ADA: variants seen among roughly 807,000 people sequenced by gnomAD.
ADA encodes adenosine aminohydrolase.
A neutral mutation model predicts 49.0 loss-of-function variants in ADA; 45 were observed. The observed-to-expected ratio is 0.92, with a 90% CI of 0.72 to 1.18. The LOEUF is 1.18. Ranked by LOEUF, ADA falls within the 50% of genes most tolerant of loss-of-function variation. ADA has a pLI of 0.00. For synonymous variants in ADA, 173 were observed against 184.2 expected, an observed-to-expected ratio of 0.94 and a Z score of 0.49; for missense variants, 445 against 472.5, an observed-to-expected ratio of 0.94 and a Z score of 0.54.
At chr20:44,643,383 C>T (rs1472627614) in intron 1 of ADA, among the ~76,000 whole-genome samples, 1 of 152,218 alleles carries the variant, frequency 6.6e-6, no homozygotes, top group Non-Finnish European at 1.5e-5. Flanking sequence ...CTCTACTGTA[C>T]TGCCTCTGTG....
intron 2 of ADA, among the ~76,000 whole-genome samples, chr20:44,633,112 G>T (rs565266814): frequency 6.6e-5 from 10 of 152,230 alleles, no homozygotes; most frequent in Non-Finnish European, 1.5e-4. Context: ...CAGGAGCCCA[G>T]GGAGGGAGGG....
intron 4 of ADA, among the ~76,000 whole-genome samples, chr20:44,626,097 T>C (rs1233252310): frequency 6.6e-6 from 1 of 152,132 alleles, no homozygotes; most frequent in South Asian, 2.1e-4. Flanking sequence ...ACTTCAGTTA[T>C]GAAGTTAGAG....
At chr20:44,644,874 C>T (rs1227717497) in intron 1 of ADA, among the ~76,000 whole-genome samples, 1 of 152,214 alleles carries the variant, frequency 6.6e-6, no homozygotes, top group Admixed American at 6.5e-5. Flanking sequence ...ATGTGTCTTC[C>T]ACCTGGGGAA....
chr20:44,645,057 C>T (rs2065576538), intron 1 of ADA, among the ~76,000 whole-genome samples: 1 of 152,164 alleles, frequency 6.6e-6, no homozygotes, highest in Non-Finnish European at 1.5e-5. Context: ...CCCTGCATGC[C>T]ACATAGCAAG....
chr20:44,639,489 G>A (rs569878719), intron 1 of ADA, among the ~76,000 whole-genome samples: 37 of 152,008 alleles, frequency 2.4e-4, no homozygotes, highest in Non-Finnish European at 4.3e-4. Flanking sequence ...CTCAGCTCAC[G>A]GAAACCTCCA....
intron 1 of ADA, among the ~76,000 whole-genome samples, chr20:44,648,221 C>T (rs427224): frequency 1.3e-5 from 2 of 152,060 alleles, no homozygotes; most frequent in Non-Finnish European, 2.9e-5. Context: ...ACCCCCCTTT[C>T]CACTTCTTCC....
chr20:44,624,079 A>G lies in ADA; in HGVS notation c.606+123T>C, dbSNP rs2065359021. 7 of 1,408,298 alleles carry G rather than the reference A, an allele frequency of 5.0e-6. No homozygotes were observed. In the East Asian group the frequency reaches 1.0e-4, roughly 21 times the overall value. The allele number at this position is 1,408,298 out of a possible 1,614,324, so 87.2% of individuals were successfully genotyped here. A position where few individuals can be genotyped will look rare whatever the true frequency, so the allele number is the denominator to read the frequency against. On this transcript the variant is annotated intron_variant, in intron 6 of 11. Transcript: ENST00000372874. ...TTCCAGTTCCAAGCCTTAAGACCCA[A>G]CAAAGACACACTTCAGAACTCAGGA...
chr20:44,626,188 G>C (rs1600924457), intron 4 of ADA: 3 of 560,394 alleles, frequency 5.4e-6, no homozygotes, highest in Non-Finnish European at 9.6e-6. Context: ...GGCTAAGCAG[G>C]TTAACATTCC....
chr20:44,651,670 G>T lies in ADA; in HGVS notation c.-63C>A. The T allele has an allele frequency of 6.9e-7, 1 of 1,453,670 alleles. No individual in the cohort carries two copies. The highest frequency in any genetic ancestry group is 1.3e-5 in the South Asian group (1 of 75,742). 90.0% of individuals were successfully genotyped at this position (1,453,670 alleles called of 1,614,324 possible). On this transcript the variant is annotated 5_prime_UTR_variant, in exon 1 of 12. Coordinates refer to ENST00000372874, the MANE Select transcript of ADA (RefSeq NM_000022.4). ...CCGCTCGGTGGGTCTCTGCCGGCTC[G>T]GTGGCCGCTCGGCTTTCCCTGGGGC...
At chr20:44,629,306 G>GTGGGAGCAGCTGGA in intron 2 of ADA, 137 bp from the exon 3 acceptor site, 1 of 1,319,108 alleles carries the variant, frequency 7.6e-7, no homozygotes, top group Non-Finnish European at 1.0e-6. Context: ...TCTCAGTCCA[G>GTGGGAGCAGCTGGA]CTGCTCCCAC....
rs374029074 is a variant in ADA at position 44,629,154 on chromosome 20, G to A, written c.111C>T (p.Ala37=). 3.7e-6 allele frequency: 6 copies of A among 1,614,078 alleles called. No individual in the cohort carries two copies. In the African/African-American group the frequency reaches 5.3e-5, roughly 14 times the overall value. ...ILYYGRRRGI[A]LPANTAEGLL... ...GCCCCTCTGCTGTGTTAGCTGGGAGGGCGATCCCTCTCCTCCTGGAAACAA... is the reference window on the plus strand; with the variant it reads ...GCCCCTCTGCTGTGTTAGCTGGGAGAGCGATCCCTCTCCTCCTGGAAACAA... The change falls in exon 3 of 12, where the codon GCC becomes GCT. Residue 37 remains alanine (A), a synonymous_variant. Transcript: ENST00000372874.
intron 1 of ADA, 64 bp from the exon 2 acceptor site, chr20:44,636,352 C>G: frequency 7.4e-7 from 1 of 1,357,136 alleles, no homozygotes; most frequent in Non-Finnish European, 1.0e-6. Context: ...TATGAGTTCA[C>G]GAAGGACCTT....
Position 44,626,518 on chromosome 20 carries a change from C to A in ADA, c.300G>T (p.Val100=). Residue 100 remains valine (V), a synonymous_variant, in exon 4 of 12, where the codon GTG becomes GTT. Transcript: ENST00000372874. The part of the protein sequence containing the change: ...KAKEGVVYVE[V]RYSPHLLANS... ...TGGCCAGCAGGTGCGGACTGTACCG[C>A]ACCTCCACATACACCACGCCCTCTT... 6.2e-7 allele frequency: 1 copy of A among 1,614,186 alleles called. No homozygotes were observed. The highest frequency in any genetic ancestry group is 8.5e-7 in the Non-Finnish European group (1 of 1,180,046).
intron 1 of ADA, among the ~76,000 whole-genome samples, chr20:44,637,659 G>C (rs2065492760): frequency 6.6e-6 from 1 of 152,180 alleles, no homozygotes; most frequent in African/African-American, 2.4e-5. Flanking sequence ...GGGCGTCTAG[G>C]AGCACATACA....
At chr20:44,639,754 AC>A (rs1331560361) in intron 1 of ADA, among the ~76,000 whole-genome samples, 2 of 152,094 alleles carry the variant, frequency 1.3e-5, no homozygotes, top group East Asian at 3.9e-4. Flanking sequence ...AAGTGGAAGA[AC>A]CCAGTGGGAT....
intron 10 of ADA, 33 bp downstream of exon 10, chr20:44,620,985 G>T: frequency 6.2e-7 from 1 of 1,613,158 alleles, no homozygotes; most frequent in South Asian, 1.1e-5. Context: ...TCCCAAACCC[G>T]AGTCAAGGCC....
In ADA at chr20:44,626,477, G is replaced by T. The variant is rs374166838; in HGVS notation, c.341C>A (p.Pro114Gln). Residue 114 changes from proline to glutamine, a missense_variant, in exon 4 of 12, where the codon CCA becomes CAA. By Grantham distance (76) the Pro-to-Gln change is moderately conservative (BLOSUM62 -1). Coordinates refer to ENST00000372874, the MANE Select transcript of ADA (RefSeq NM_000022.4). ...TCACTCAGCCTGGTTCCAGGGGATT[G>T]GCTCCACTTTGGAGTTGGCCAGCAG... ...PHLLANSKVEPIPWNQAEGDL... is the reference protein window; with the variant it reads ...PHLLANSKVEQIPWNQAEGDL... The T allele has an allele frequency of 1.9e-6, 3 of 1,613,932 alleles. No individual in the cohort carries two copies. The highest frequency in any genetic ancestry group is 1.7e-4 in the Middle Eastern group (1 of 5,966).
At chr20:44,625,790 C>T in intron 4 of ADA, 106 bp from the exon 5 acceptor site, 1 of 915,306 alleles carries the variant, frequency 1.1e-6, no homozygotes, top group Non-Finnish European at 1.7e-6. Context: ...GGAGGACCCT[C>T]CTCCCCCACT....
At position 44,622,908 on chromosome 20, in the gene ADA, T is replaced by C. The variant is rs2065346485; in HGVS notation, c.701A>G (p.Glu234Gly). The C allele has an allele frequency of 1.9e-6, 3 of 1,614,222 alleles. No homozygotes were observed. The highest frequency in any genetic ancestry group is 8.5e-7 in the Non-Finnish European group (1 of 1,180,044). Residue 234 changes from glutamate (E) to glycine (G), a missense_variant, in exon 8 of 12, where the codon GAG becomes GGG. Transcript: ENST00000372874. The part of the protein sequence containing the change: ...VKEAVDILKT[E>G]RLGHGYHTLE... ...GGTGTGGTAGCCGTGTCCCAGCCGC[T>C]CTGTCTTGAGTATGTCCACAGCCTG...
Sources: allele counts gnomAD v4.1 joint callset (sites outside exome capture counted in the v4.1 genomes callset), GRCh38; gene constraint gnomAD v4.1.1; transcripts MANE v1.5; gene names NCBI Gene and HGNC (gene_info 2026-07-23, HGNC 2026-07-21).